CDH18: variants seen among roughly 807,000 people sequenced by gnomAD.
CDH18 encodes the protein cadherin-18.
In CDH18, 31 loss-of-function variants were observed where a neutral mutation model predicts 67.9. The observed-to-expected ratio is 0.46, with a 90% confidence interval of 0.34 to 0.62. CDH18 has a LOEUF of 0.62. Among genes scored for constraint, CDH18 ranks in the 20% least tolerant of loss-of-function variants. The pLI, the probability that CDH18 is intolerant of heterozygous loss-of-function variation, is 0.01. For missense variants in CDH18, 890 were observed against 975.5 expected (o/e 0.91, Z 1.17); for synonymous variants, 362 against 347.2 (o/e 1.04, Z -0.48).
chr5:20,356,249 G>A (rs1741597026), intron 1 of CDH18, among the ~76,000 whole-genome samples: 1 of 152,126 alleles, frequency 6.6e-6, no homozygotes, highest in Non-Finnish European at 1.5e-5. Context: ...TGGGCATGGT[G>A]GCAGGTGCCT....
At chr5:20,377,031 A>AAT (rs1743511400) in intron 1 of CDH18, among the ~76,000 whole-genome samples, 2 of 148,284 alleles carry the variant, frequency 1.3e-5, no homozygotes, top group African/African-American at 5.0e-5. Context: ...AAAAAAAAAA[A>AAT]ATATTAGGTC....
chr5:20,293,907 G>A (rs998573298), intron 1 of CDH18, among the ~76,000 whole-genome samples: 10 of 152,130 alleles, frequency 6.6e-5, no homozygotes, highest in African/African-American at 2.4e-4. Flanking sequence ...TGTACTGTTG[G>A]TTGATTTATA....
intron 1 of CDH18, among the ~76,000 whole-genome samples, chr5:20,537,575 C>T (rs573747812): frequency 1.3e-5 from 2 of 152,094 alleles, no homozygotes; most frequent in African/African-American, 4.8e-5. Flanking sequence ...CAATAGAAGA[C>T]TCACAGCTGC....
intron 5 of CDH18, among the ~76,000 whole-genome samples, chr5:19,637,116 G>GTTTTCCTTTTTC (rs779310453): frequency 1.9e-4 from 29 of 151,586 alleles, no homozygotes; most frequent in Non-Finnish European, 3.8e-4. Flanking sequence ...CTGTTTTTTT[G>GTTTTCCTTTTTC]TTTTCCTTTT....
At chr5:19,676,180 T>C (rs546527244) in intron 5 of CDH18, among the ~76,000 whole-genome samples, 2 of 151,830 alleles carry the variant, frequency 1.3e-5, no homozygotes, top group Non-Finnish European at 2.9e-5. Context: ...ACAAAACCTA[T>C]GAGAAATATG....
chr5:20,241,820 C>A (rs1377790552), intron 2 of CDH18, among the ~76,000 whole-genome samples: 1 of 148,312 alleles, frequency 6.7e-6, no homozygotes, highest in Non-Finnish European at 1.5e-5. Context: ...CCACTGCACT[C>A]CAGCCTGGGC....
At position 20,524,061 on chromosome 5, in the gene CDH18, T is replaced by C. The variant is rs1755903153; in HGVS notation, c.-580+51401A>G. Among the ~76,000 whole-genome samples the C allele has an allele frequency of 2.0e-5, 3 of 152,180 alleles. No homozygotes were observed. The South Asian group carries it at 6.2e-4, about 31-fold the overall frequency. On this transcript the variant is annotated intron_variant, in intron 1 of 14. Coordinates refer to the CDH18 transcript ENST00000507958. Reference sequence around the variant, plus strand: ...ATAAATTTTTATTGTATTTTATCCATATGAAATGAGCTCTTTTCTATCCAA... The same window carrying C: ...ATAAATTTTTATTGTATTTTATCCACATGAAATGAGCTCTTTTCTATCCAA...
chr5:19,969,150 T>C (rs1462409438), intron 2 of CDH18, among the ~76,000 whole-genome samples: 1 of 148,090 alleles, frequency 6.8e-6, no homozygotes, highest in African/African-American at 2.7e-5. Context: ...TGAGATACCA[T>C]CTCACACCAG....
intron 11 of CDH18, among the ~76,000 whole-genome samples, chr5:19,502,511 G>A (rs1174109401): frequency 6.6e-6 from 1 of 152,064 alleles, no homozygotes; most frequent in Non-Finnish European, 1.5e-5. Flanking sequence ...ATACTTCTGT[G>A]TATCCTTCTA....
chr5:19,657,599 T>C (rs1384189985), intron 5 of CDH18, among the ~76,000 whole-genome samples: 2 of 152,152 alleles, frequency 1.3e-5, no homozygotes, highest in African/African-American at 4.8e-5. Flanking sequence ...ATTTAAAGTT[T>C]CATTTTTTTA....
At chr5:20,509,572 A>AGTTTT (rs372190289) in intron 1 of CDH18, among the ~76,000 whole-genome samples, 1 of 21,618 alleles carries the variant, frequency 4.6e-5, no homozygotes, top group Admixed American at 5.2e-4. Flanking sequence ...CACCACGCCC[A>AGTTTT]GTTTTGTTTT....
chr5:20,546,919 C>T (rs1247520782), intron 1 of CDH18, among the ~76,000 whole-genome samples: 1 of 152,016 alleles, frequency 6.6e-6, no homozygotes, highest in African/African-American at 2.4e-5. Context: ...ATTGATAAAC[C>T]ACTAGAAGTC....
intron 1 of CDH18, among the ~76,000 whole-genome samples, chr5:20,400,297 G>A (rs1321221202): frequency 6.6e-6 from 1 of 151,772 alleles, no homozygotes; most frequent in Non-Finnish European, 1.5e-5. Flanking sequence ...GGCCAACATG[G>A]TAAAAACTCA....
chr5:20,076,498 G>T (rs2150533452), intron 2 of CDH18, among the ~76,000 whole-genome samples: 1 of 150,940 alleles, frequency 6.6e-6, no homozygotes, highest in East Asian at 1.9e-4. Flanking sequence ...TAAAATAAAA[G>T]ACATCAGTAG....
chr5:20,344,825 T>C (rs1347146373), intron 1 of CDH18, among the ~76,000 whole-genome samples: 1 of 152,052 alleles, frequency 6.6e-6, no homozygotes, highest in East Asian at 1.9e-4. Context: ...AAATTAGAGA[T>C]CTCAAAATAA....
At chr5:20,479,683 C>T (rs1752662862) in intron 1 of CDH18, among the ~76,000 whole-genome samples, 1 of 151,854 alleles carries the variant, frequency 6.6e-6, no homozygotes. Context: ...GCCTTATTGG[C>T]CTGATGAGGT....
At chr5:20,199,603 C>A (rs1353332941) in intron 2 of CDH18, among the ~76,000 whole-genome samples, 1 of 152,040 alleles carries the variant, frequency 6.6e-6, no homozygotes. Context: ...TGAGTTAAGA[C>A]TTTGGGGGAC....
At chr5:20,540,055 A>G (rs1382071682) in intron 1 of CDH18, among the ~76,000 whole-genome samples, 1 of 152,150 alleles carries the variant, frequency 6.6e-6, no homozygotes, top group Non-Finnish European at 1.5e-5. Flanking sequence ...GTTTATGCTA[A>G]TACCTACATA....
intron 1 of CDH18, among the ~76,000 whole-genome samples, chr5:20,338,873 G>A (rs1740009043): frequency 6.6e-6 from 1 of 152,166 alleles, no homozygotes; most frequent in Non-Finnish European, 1.5e-5. Context: ...AGGCTAGGAA[G>A]GCAAAGACAC....
Sources: allele counts gnomAD v4.1 joint callset (sites outside exome capture counted in the v4.1 genomes callset), GRCh38; gene constraint gnomAD v4.1.1; transcripts MANE v1.5; gene names NCBI Gene and HGNC (gene_info 2026-07-23, HGNC 2026-07-21).